The following TMED6 variants were observed in gnomAD, a reference collection of about 807,000 sequenced individuals.
TMED6 encodes transmembrane emp24 domain-containing protein 6.
A neutral mutation model predicts 26.5 loss-of-function variants in TMED6; 17 were observed. The observed-to-expected ratio is 0.64, with a 90% CI of 0.44 to 0.96. TMED6 has a LOEUF of 0.96. TMED6 is among the 40% of genes least tolerant of loss of function. The pLI is 0.00. For synonymous variants in TMED6, 107 were observed against 106.2 expected (o/e 1.01, Z -0.04); for missense variants, 309 against 296.5 (o/e 1.04, Z -0.31).
chr16:69,349,486 C>G, intron 2 of TMED6, 39 bp downstream of exon 2: 1 of 1,600,524 alleles, frequency 6.2e-7, no homozygotes, highest in Non-Finnish European at 8.5e-7. Flanking sequence ...TTCATAGGAC[C>G]CTATGATTAT....
chr16:69,345,325 A>G (rs1029810613), intron 3 of TMED6, among the ~76,000 whole-genome samples: 6 of 152,022 alleles, frequency 3.9e-5, no homozygotes, highest in Non-Finnish European at 4.4e-5. Flanking sequence ...GGGAGAAAAT[A>G]TCTGCAACTC....
At chr16:69,349,712 G>C (rs751215559) in intron 1 of TMED6, 61 bp from the exon 2 acceptor site, 2 of 1,582,814 alleles carry the variant, frequency 1.3e-6, no homozygotes, top group Admixed American at 1.7e-5. Flanking sequence ...AGCCAGCTGA[G>C]TGGTAAGATT....
chr16:69,347,905 A>G lies in TMED6; in HGVS notation c.372T>C (p.His124=). 6.2e-7 allele frequency: 1 copy of G among 1,614,172 alleles called. No homozygotes were observed. The change falls in exon 3 of 4, where the codon CAT becomes CAC. Residue 124 remains histidine, a synonymous_variant. Transcript: ENST00000288025. ...GFYQLCLSNQ[H]NHFGSVQVYL... ...ACACTTGCACAGAACCGAAGTGATTATGCTGATTACTTAGACAAAGCTGAT... is the reference window on the plus strand; with the variant it reads ...ACACTTGCACAGAACCGAAGTGATTGTGCTGATTACTTAGACAAAGCTGAT...
At chr16:69,344,052 C>T (rs1048127187) in intron 3 of TMED6, among the ~76,000 whole-genome samples, 1 of 151,714 alleles carries the variant, frequency 6.6e-6, no homozygotes, top group African/African-American at 2.4e-5. Context: ...AGGCTCATCT[C>T]GAACTACTGG....
chr16:69,348,278 C>T, intron 2 of TMED6: 1 of 191,724 alleles, frequency 5.2e-6, no homozygotes, highest in East Asian at 1.2e-4. Flanking sequence ...TTGCCTGGTC[C>T]TTGTATACAA....
intron 3 of TMED6, 42 bp from the exon 4 acceptor site, chr16:69,343,682 C>T (rs757734962): frequency 1.3e-6 from 2 of 1,571,524 alleles, no homozygotes; most frequent in Non-Finnish European, 1.7e-6. Context: ...TCCAAACCCC[C>T]ATCTAGCCTC....
intron 3 of TMED6, among the ~76,000 whole-genome samples, chr16:69,345,161 C>G (rs557199948): frequency 9.5e-4 from 145 of 152,184 alleles, no homozygotes; most frequent in Non-Finnish European, 1.8e-3. Flanking sequence ...CCTGTAGTCC[C>G]AGCTACTCAG....
rs906943560 is a variant in TMED6, at chr16:69,351,715, C to G, written c.39G>C (p.Leu13=). The change falls in exon 1 of 4, where the codon CTG becomes CTC. Residue 13 remains leucine (L), a synonymous_variant. Coordinates refer to ENST00000288025, the MANE Select transcript of TMED6 (RefSeq NM_144676.4). ...PLLFGAGLVV[L]NLVTSARSQK... is the part of the protein sequence containing the mutation. ...GGCTCCTGGCAGACGTCACTAGATTCAGAACGACCAGCCCAGCCCCAAAGA... is the reference window on the plus strand; with the variant it reads ...GGCTCCTGGCAGACGTCACTAGATTGAGAACGACCAGCCCAGCCCCAAAGA... 6 of 1,613,488 alleles carry G rather than the reference C, an allele frequency of 3.7e-6. No individual in the cohort carries two copies. The highest frequency in any genetic ancestry group is 5.1e-6 in the Non-Finnish European group (6 of 1,180,012).
chr16:69,351,520 T>G, intron 1 of TMED6, 21 bp downstream of exon 1: 2 of 1,608,932 alleles, frequency 1.2e-6, no homozygotes, highest in Admixed American at 3.3e-5. Context: ...AGCCCCCCAG[T>G]ATGGCCAGTC....
chr16:69,348,171 A>G, intron 2 of TMED6: 1 of 387,834 alleles, frequency 2.6e-6, no homozygotes, highest in Non-Finnish European at 4.7e-6. Flanking sequence ...CATACTGGGT[A>G]GTGGCAAACA....
chr16:69,346,466 T>C (rs916024019), intron 3 of TMED6, among the ~76,000 whole-genome samples: 3 of 152,138 alleles, frequency 2.0e-5, no homozygotes, highest in Non-Finnish European at 4.4e-5. Flanking sequence ...CATGCTAAAT[T>C]AAAGAAGCCA....
intron 3 of TMED6, among the ~76,000 whole-genome samples, chr16:69,344,751 C>T (rs1319917545): frequency 2.2e-5 from 3 of 137,364 alleles, no homozygotes; most frequent in African/African-American, 5.5e-5. Context: ...CCAGCCTGGC[C>T]GACAGCACAA....
chr16:69,347,463 G>A (rs1363210844), intron 3 of TMED6, among the ~76,000 whole-genome samples: 1 of 152,100 alleles, frequency 6.6e-6, no homozygotes, highest in Non-Finnish European at 1.5e-5. Context: ...GGGTTCAAGC[G>A]ATTCTCCTGC....
chr16:69,351,611 A>G lies in TMED6; in HGVS notation c.143T>C (p.Ile48Thr). ...AAAGCATTCCGTGCCTCCTGGAGGT[A>G]TCATGATGGCAAAGTCATATCGATC... Reference protein sequence around the residue: ...GADRYDFAIMIPPGGTECFWQ... With the variant: ...GADRYDFAIMTPPGGTECFWQ... Residue 48 changes from isoleucine to threonine, a missense_variant, in exon 1 of 4, where the codon ATA (isoleucine) becomes ACA (threonine). Coordinates refer to ENST00000288025, the MANE Select transcript of TMED6 (RefSeq NM_144676.4). 6.2e-7 allele frequency: 1 copy of G among 1,614,148 alleles called. No homozygotes were observed. Among genetic ancestry groups the G allele is most frequent in the Non-Finnish European group, 8.5e-7 (1 of 1,180,024 alleles).
At chr16:69,348,700 C>T (rs1414513316) in intron 2 of TMED6, among the ~76,000 whole-genome samples, 2 of 152,082 alleles carry the variant, frequency 1.3e-5, no homozygotes, top group Non-Finnish European at 1.5e-5. Flanking sequence ...ACTGCAGTCT[C>T]TGCCTCCAGG....
Sources: allele counts gnomAD v4.1 joint callset (sites outside exome capture counted in the v4.1 genomes callset), GRCh38; gene constraint gnomAD v4.1.1; transcripts MANE v1.5; gene names NCBI Gene and HGNC (gene_info 2026-07-23, HGNC 2026-07-21).